ASTN2: variants seen among roughly 807,000 people sequenced by gnomAD.
ASTN2 encodes the protein astrotactin 2, also known as astrotactin-2.
Under a neutral mutation model 139.8 loss-of-function variants are expected in ASTN2, and 54 were observed. That is an observed-to-expected ratio of 0.39 (90% CI 0.31 to 0.48). The LOEUF is 0.48. ASTN2 is among the 20% of genes least tolerant of loss of function. The pLI is 0.95. For synonymous variants in ASTN2, 756 were observed against 719.5 expected, an observed-to-expected ratio of 1.05 and a Z score of -0.81; for missense variants, 1,565 against 1,725.1, an observed-to-expected ratio of 0.91 and a Z score of 1.64.
intron 1 of ASTN2, among the ~76,000 whole-genome samples, chr9:117,386,945 C>T (rs145752683): frequency 6.6e-6 from 1 of 152,306 alleles, no homozygotes; most frequent in East Asian, 1.9e-4. Context: ...ATGGGAGAAG[C>T]AGAACAGCAG....
At chr9:116,735,363 G>A (rs1045245121) in intron 13 of ASTN2, among the ~76,000 whole-genome samples, 2 of 152,226 alleles carry the variant, frequency 1.3e-5, no homozygotes, top group Non-Finnish European at 2.9e-5. Flanking sequence ...CTGGTAGATG[G>A]AAGTACCACC....
At chr9:117,103,742 G>T (rs1047889103) in intron 4 of ASTN2, among the ~76,000 whole-genome samples, 5 of 152,108 alleles carry the variant, frequency 3.3e-5, no homozygotes, top group Admixed American at 1.3e-4. Context: ...CCAGAACTGT[G>T]CCAGATAAAG....
chr9:116,957,427 G>T (rs7021806), intron 10 of ASTN2, among the ~76,000 whole-genome samples: 101,162 of 151,976 alleles, frequency 0.67, 36,186 homozygotes, highest in Admixed American at 0.81. Flanking sequence ...TTGCTATTAA[G>T]ATAGTACTAT....
Position 117,414,658 on chromosome 9 carries a change from G to T in ASTN2, c.281C>A (p.Thr94Asn), listed in dbSNP as rs1831276519. ...GGCGGCGGCGGCGGCTCCGGCCCCG[G>T]TCCCAGCCCCGGCCCCGGCGCGGGC... Reference protein sequence around the residue: ...SGARAGAGAGTGAGAAAAAAS... With the variant: ...SGARAGAGAGNGAGAAAAAAS... Residue 94 changes from threonine to asparagine, a missense_variant, in exon 1 of 23, where the codon ACC becomes AAC. Physicochemically the swap from Thr to Asn is moderately conservative, Grantham distance 65 (BLOSUM62 0). This residue lies in a region of ASTN2 where 596 missense variants were observed against 576.8 expected (regional missense o/e 1.03). Coordinates refer to ENST00000313400, the MANE Select transcript of ASTN2 (RefSeq NM_001365068.1). The surrounding 1 kb of genome is among the most constrained non-coding windows in gnomAD (Gnocchi z 4.2). The T allele has an allele frequency of 7.7e-7, 1 of 1,306,380 alleles. No homozygotes were observed. The highest frequency in any genetic ancestry group is 9.7e-7 in the Non-Finnish European group (1 of 1,033,218). The allele number at this position is 1,306,380 out of a possible 1,614,324, so 80.9% of individuals were successfully genotyped here. A position where few individuals can be genotyped will look rare whatever the true frequency, so the allele number is the denominator to read the frequency against.
At chr9:116,682,918 C>G (rs1298087689) in intron 16 of ASTN2, among the ~76,000 whole-genome samples, 1 of 151,854 alleles carries the variant, frequency 6.6e-6, no homozygotes, top group Non-Finnish European at 1.5e-5. Flanking sequence ...GGAGACATAC[C>G]TAATGCTAAA....
intron 16 of ASTN2, among the ~76,000 whole-genome samples, chr9:116,713,485 G>T (rs991037020): frequency 6.6e-6 from 1 of 152,118 alleles, no homozygotes; most frequent in African/African-American, 2.4e-5. Context: ...AGGAAACAAG[G>T]GTCTAGAGCC....
At chr9:117,051,532 C>G in intron 5 of ASTN2, among the ~76,000 whole-genome samples, 1 of 152,174 alleles carries the variant, frequency 6.6e-6, no homozygotes, top group Non-Finnish European at 1.5e-5. Flanking sequence ...ATTCCTACAA[C>G]TATAACCAGC....
At chr9:117,388,690 G>A (rs1161170657) in intron 1 of ASTN2, among the ~76,000 whole-genome samples, 3 of 152,192 alleles carry the variant, frequency 2.0e-5, no homozygotes, top group Non-Finnish European at 4.4e-5. Context: ...AGAAGTCAGA[G>A]CTCTTCAACC....
chr9:116,755,678 G>A (rs1829514169), intron 13 of ASTN2, among the ~76,000 whole-genome samples: 1 of 152,186 alleles, frequency 6.6e-6, no homozygotes. Context: ...GTGGCAAAAG[G>A]GACTTTGCAG....
intron 16 of ASTN2, among the ~76,000 whole-genome samples, chr9:116,668,968 C>T (rs1859030398): frequency 6.6e-6 from 1 of 152,008 alleles, no homozygotes; most frequent in African/African-American, 2.4e-5. Flanking sequence ...AGGGCAGAAG[C>T]AGCTTTCCAT....
At chr9:117,146,172 T>A (rs917970515) in intron 3 of ASTN2, among the ~76,000 whole-genome samples, 2 of 152,008 alleles carry the variant, frequency 1.3e-5, no homozygotes, top group African/African-American at 4.8e-5. Context: ...TCGATATCAG[T>A]ATATCAAGTT....
At chr9:116,771,354 C>G (rs1455600567) in intron 13 of ASTN2, among the ~76,000 whole-genome samples, 2 of 152,174 alleles carry the variant, frequency 1.3e-5, no homozygotes, top group African/African-American at 4.8e-5. Context: ...TAGTGAATGT[C>G]TATCTCATAG....
At chr9:116,664,870 T>C (rs1465280015) in intron 16 of ASTN2, among the ~76,000 whole-genome samples, 1 of 152,202 alleles carries the variant, frequency 6.6e-6, no homozygotes, top group African/African-American at 2.4e-5. Context: ...GCTTGGATGT[T>C]TGTCCCCTCC....
intron 19 of ASTN2, among the ~76,000 whole-genome samples, chr9:116,569,175 A>C (rs1019043324): frequency 1.3e-5 from 2 of 152,196 alleles, no homozygotes; most frequent in Non-Finnish European, 1.5e-5. Context: ...ATTGGGAATT[A>C]GAACTAAGAA....
intron 3 of ASTN2, among the ~76,000 whole-genome samples, chr9:117,145,268 G>T (rs932564539): frequency 6.6e-6 from 1 of 152,166 alleles, no homozygotes; most frequent in Admixed American, 6.5e-5. Context: ...GGTAGACAGT[G>T]AATGTGGGTA....
chr9:116,531,711 C>T (rs1169373883), intron 19 of ASTN2, among the ~76,000 whole-genome samples: 2 of 152,148 alleles, frequency 1.3e-5, no homozygotes, highest in Admixed American at 1.3e-4. Context: ...TTTTTTATGG[C>T]TACATAGTAT....
At chr9:116,675,073 G>A (rs115719814) in intron 16 of ASTN2, among the ~76,000 whole-genome samples, 1 of 152,054 alleles carries the variant, frequency 6.6e-6, no homozygotes, top group Non-Finnish European at 1.5e-5. Flanking sequence ...TGCCCTTGTG[G>A]CTACCTGCTC....
At chr9:116,577,707 T>C (rs949748134) in intron 19 of ASTN2, among the ~76,000 whole-genome samples, 2 of 152,198 alleles carry the variant, frequency 1.3e-5, no homozygotes, top group African/African-American at 2.4e-5. Flanking sequence ...GTTAGTTATC[T>C]CATCTAATTT....
At chr9:116,538,427 G>A (rs998447906) in intron 19 of ASTN2, among the ~76,000 whole-genome samples, 1 of 152,080 alleles carries the variant, frequency 6.6e-6, no homozygotes, top group African/African-American at 2.4e-5. Context: ...AAATCTTCAG[G>A]GATGTGTGGC....
Sources: allele counts gnomAD v4.1 joint callset (sites outside exome capture counted in the v4.1 genomes callset), GRCh38; gene constraint gnomAD v4.1.1; regional missense constraint gnomAD v4.1.1; non-coding constraint Gnocchi (gnomAD v3.1); transcripts MANE v1.5; gene names NCBI Gene and HGNC (gene_info 2026-07-23, HGNC 2026-07-21).